The following DCDC2 variants were observed in gnomAD, a reference collection of about 807,000 sequenced individuals.
DCDC2 encodes doublecortin domain containing 2, also known as doublecortin domain-containing protein 2.
In DCDC2, 40 loss-of-function variants were observed where a neutral mutation model predicts 50.2. The observed-to-expected ratio is 0.80, with a 90% CI of 0.62 to 1.04. The LOEUF (loss-of-function observed/expected upper bound fraction) is 1.04. Ranked by LOEUF, DCDC2 falls within the 50% of genes least tolerant of loss-of-function variation. The pLI, the probability that DCDC2 is intolerant of heterozygous loss-of-function variation, is 0.00. For synonymous variants in DCDC2, 234 were observed against 210.6 expected (o/e 1.11, Z -0.96); for missense variants, 570 against 581.9 (o/e 0.98, Z 0.21).
At chr6:24,325,962 C>T (rs2113854869) in intron 2 of DCDC2, among the ~76,000 whole-genome samples, 1 of 149,118 alleles carries the variant, frequency 6.7e-6, no homozygotes, top group East Asian at 2.2e-4. Flanking sequence ...CTTCCTTCCC[C>T]ACACCCATGT....
chr6:24,197,968 A>T (rs1451867847), intron 8 of DCDC2, among the ~76,000 whole-genome samples: 1 of 152,190 alleles, frequency 6.6e-6, no homozygotes, highest in Non-Finnish European at 1.5e-5. Flanking sequence ...CATCATTTAG[A>T]GAAAATTAAC....
rs191491091 is a variant in DCDC2, at chr6:24,275,640, T to A, written c.922+2409A>T. On this transcript the variant is annotated intron_variant, in intron 7 of 9. Transcript: ENST00000378454. ...CAATTTAAAACCTATAATCTGCACATTATAAAACCACATTGGAAAATATAG... is the reference window on the plus strand; with the variant it reads ...CAATTTAAAACCTATAATCTGCACAATATAAAACCACATTGGAAAATATAG... 3.3e-4 allele frequency among the ~76,000 whole-genome samples: 51 copies of A among 152,280 alleles called. 1 individual carries two copies. The East Asian group carries it at 9.4e-3, about 28-fold the overall frequency.
upstream of DCDC2, among the ~76,000 whole-genome samples, chr6:24,358,852 AT>A (rs1250072105): frequency 2.5e-4 from 10 of 40,522 alleles, no homozygotes; most frequent in South Asian, 7.9e-4. Context: ...TTTATATATT[AT>A]ATATAATATA....
intron 2 of DCDC2, among the ~76,000 whole-genome samples, chr6:24,325,576 C>T (rs140245048): frequency 6.7e-6 from 1 of 149,648 alleles, no homozygotes; most frequent in African/African-American, 2.4e-5. Flanking sequence ...TTAGCATCAT[C>T]ATGTTCTCTT....
chr6:24,255,095 G>A (rs892438728), intron 7 of DCDC2, among the ~76,000 whole-genome samples: 2 of 152,002 alleles, frequency 1.3e-5, no homozygotes, highest in African/African-American at 4.8e-5. Flanking sequence ...AATAATTAAG[G>A]CAGTGCAGTA....
At chr6:24,310,974 C>T (rs951255129) in intron 2 of DCDC2, among the ~76,000 whole-genome samples, 2 of 152,168 alleles carry the variant, frequency 1.3e-5, no homozygotes. Context: ...AGGAGCTGCA[C>T]CTAGCATGGT....
intron 6 of DCDC2, among the ~76,000 whole-genome samples, chr6:24,282,938 C>T (rs1409740763): frequency 3.9e-5 from 6 of 152,150 alleles, no homozygotes; most frequent in Non-Finnish European, 7.4e-5. Flanking sequence ...GTATAACTTG[C>T]TTCACAGTGA....
chr6:24,283,438 CTT>C (rs1255654023), intron 6 of DCDC2, among the ~76,000 whole-genome samples: 1 of 146,840 alleles, frequency 6.8e-6, no homozygotes, highest in Non-Finnish European at 1.5e-5. Flanking sequence ...TGCTTTCTCT[CTT>C]TCTCTCTCAA....
intron 2 of DCDC2, among the ~76,000 whole-genome samples, chr6:24,311,045 C>G (rs1021722503): frequency 1.3e-5 from 2 of 152,182 alleles, no homozygotes; most frequent in Non-Finnish European, 2.9e-5. Flanking sequence ...GTGAATTCAT[C>G]TTCCTGAAGC....
At chr6:24,229,937 G>A (rs894906478) in intron 7 of DCDC2, among the ~76,000 whole-genome samples, 6 of 152,014 alleles carry the variant, frequency 3.9e-5, no homozygotes, top group African/African-American at 1.4e-4. Context: ...TTTGGCCACT[G>A]GCTTCCTTCT....
chr6:24,189,735 C>G (rs1761274629), intron 8 of DCDC2, among the ~76,000 whole-genome samples: 1 of 152,090 alleles, frequency 6.6e-6, no homozygotes, highest in South Asian at 2.1e-4. Flanking sequence ...CTAAAATAAC[C>G]TAGACCTAGA....
the DCDC2 span, among the ~76,000 whole-genome samples, chr6:24,378,920 C>T: frequency 6.8e-6 from 1 of 146,234 alleles, no homozygotes; most frequent in East Asian, 2.0e-4. Flanking sequence ...CCACTGCACT[C>T]CAGCCTGGGC....
At chr6:24,242,585 T>C (rs1184896006) in intron 7 of DCDC2, among the ~76,000 whole-genome samples, 1 of 152,162 alleles carries the variant, frequency 6.6e-6, no homozygotes. Context: ...TATCTAATTC[T>C]TCACAGGAGA....
At chr6:24,241,244 A>G (rs1443525929) in intron 7 of DCDC2, among the ~76,000 whole-genome samples, 3 of 152,238 alleles carry the variant, frequency 2.0e-5, no homozygotes, top group African/African-American at 7.2e-5. Context: ...GGCATTTTCA[A>G]AACTGTGACC....
chr6:24,313,628 G>A (rs1759610988), intron 2 of DCDC2, among the ~76,000 whole-genome samples: 1 of 152,214 alleles, frequency 6.6e-6, no homozygotes, highest in African/African-American at 2.4e-5. Flanking sequence ...GCAGCGGGCA[G>A]CCCGTGTGGG....
intron 7 of DCDC2, among the ~76,000 whole-genome samples, chr6:24,255,963 T>C (rs570677668): frequency 6.6e-6 from 1 of 152,170 alleles, no homozygotes; most frequent in South Asian, 2.1e-4. Flanking sequence ...CACTACTCAA[T>C]CAAGCCCCAA....
intron 4 of DCDC2, among the ~76,000 whole-genome samples, chr6:24,291,787 G>A (rs931548561): frequency 2.0e-5 from 3 of 152,132 alleles, no homozygotes; most frequent in African/African-American, 2.4e-5. Context: ...GCCCGGCCTT[G>A]TTAATACTTT....
At chr6:24,226,263 T>G (rs1561897828) in intron 7 of DCDC2, among the ~76,000 whole-genome samples, 2 of 152,306 alleles carry the variant, frequency 1.3e-5, no homozygotes, top group East Asian at 3.9e-4. Flanking sequence ...TAGATCATCT[T>G]CCTAATACAT....
chr6:24,293,167 T>C (rs1763787708), intron 4 of DCDC2, among the ~76,000 whole-genome samples: 2 of 152,176 alleles, frequency 1.3e-5, no homozygotes, highest in African/African-American at 4.8e-5. Flanking sequence ...CTCGAACTCC[T>C]GGGCTCAAGT....
Sources: allele counts gnomAD v4.1 joint callset (sites outside exome capture counted in the v4.1 genomes callset), GRCh38; gene constraint gnomAD v4.1.1; transcripts MANE v1.5; gene names NCBI Gene and HGNC (gene_info 2026-07-23, HGNC 2026-07-21).